The following SEPTIN2 variants were observed in gnomAD, a reference collection of about 807,000 sequenced individuals.
SEPTIN2 encodes septin 2.
SEPTIN2 carries 34 observed loss-of-function variants against 46.5 expected under a neutral mutation model. The ratio of observed to expected loss-of-function variants is 0.73; its 90% CI spans 0.56 to 0.97. The LOEUF is 0.97. Among genes scored for constraint, SEPTIN2 ranks in the 50% least tolerant of loss-of-function variants. SEPTIN2 has a pLI of 0.00. For synonymous variants in SEPTIN2, 175 were observed against 153.4 expected, an observed-to-expected ratio of 1.14 and a Z score of -1.04; for missense variants, 347 against 448.4, an observed-to-expected ratio of 0.77 and a Z score of 2.04.
chr2:241,317,533 GTATTTTTTT>G, intron 1 of SEPTIN2: 2 of 963,084 alleles, frequency 2.1e-6, no homozygotes, highest in South Asian at 9.6e-5. Flanking sequence ...GAAGTTGTGG[GTATTTTTTT>G]TTTTTTTTTT....
At chr2:241,334,933 G>C (rs768707461) in intron 3 of SEPTIN2, among the ~76,000 whole-genome samples, 193 bp from the exon 4 acceptor site, 2 of 152,160 alleles carry the variant, frequency 1.3e-5, no homozygotes, top group Non-Finnish European at 2.9e-5. Flanking sequence ...ATAGTACTCT[G>C]ACCTTGGGCA....
At chr2:241,349,383 A>C (rs11688675) in intron 11 of SEPTIN2, among the ~76,000 whole-genome samples, 1 of 148,618 alleles carries the variant, frequency 6.7e-6, no homozygotes, top group East Asian at 2.0e-4. Flanking sequence ...AAAAAAAAAA[A>C]ATATATATAT....
intron 10 of SEPTIN2, among the ~76,000 whole-genome samples, chr2:241,347,132 C>T (rs964717580): frequency 3.3e-5 from 5 of 152,052 alleles, no homozygotes; most frequent in African/African-American, 1.2e-4. Context: ...TGGTGCATGC[C>T]TGTGGTCCCA....
intron 3 of SEPTIN2, among the ~76,000 whole-genome samples, chr2:241,329,685 TA>T (rs1277605947): frequency 2.0e-5 from 3 of 152,378 alleles, no homozygotes; most frequent in Middle Eastern, 3.4e-3. Context: ...CTGGGTCATT[TA>T]TAACCTGATG....
intron 9 of SEPTIN2, among the ~76,000 whole-genome samples, 183 bp from the exon 10 acceptor site, chr2:241,345,983 C>G (rs1398801341): frequency 6.6e-6 from 1 of 152,212 alleles, no homozygotes; most frequent in Non-Finnish European, 1.5e-5. Flanking sequence ...AAAGGGAGAG[C>G]TACACCTCAC....
In SEPTIN2 at chr2:241,336,028, C is replaced by A; in HGVS notation, c.271C>A (p.Arg91=). Residue 91 remains arginine, a synonymous_variant, in exon 5 of 13, where the codon CGA becomes AGA. Transcript: ENST00000391971. ...GGCTTCAACTGTTGAAATTGAAGAG[C>A]GAGGGGTCAAGCTACGCCTGACAGT... ...IEASTVEIEE[R]GVKLRLTVVD... is the part of the protein sequence containing the mutation. The A allele has an allele frequency of 6.2e-7, 1 of 1,613,968 alleles. No homozygotes were observed. The highest frequency in any genetic ancestry group is 8.5e-7 in the Non-Finnish European group (1 of 1,179,910).
In SEPTIN2 at chr2:241,352,636, T is replaced by C. The variant is rs1440408514; in HGVS notation, c.*699T>C. 1 of 152,254 alleles carries C rather than the reference T, an allele frequency of 6.6e-6. No individual in the cohort carries two copies. The highest frequency in any genetic ancestry group is 1.5e-5 in the Non-Finnish European group (1 of 68,044). 9.4% of individuals were successfully genotyped at this position (152,254 alleles called of 1,614,324 possible). On this transcript the variant is annotated 3_prime_UTR_variant, in exon 13 of 13. Transcript: ENST00000391971. The stretch of plus-strand genomic sequence containing the variant: ...TCTTAATTCTGATGCTAGGTTGTTT[T>C]TAAAACCACTATGCAAAGAACTCAC...
At chr2:241,350,865 C>T (rs2060726543) in intron 12 of SEPTIN2, among the ~76,000 whole-genome samples, 1 of 152,146 alleles carries the variant, frequency 6.6e-6, no homozygotes, top group Non-Finnish European at 1.5e-5. Context: ...CAGGCAGGCT[C>T]TCTGAACTGT....
chr2:241,316,595 G>T lies in SEPTIN2; in HGVS notation c.-18+613G>T. The T allele has an allele frequency of 2.1e-6, 3 of 1,405,850 alleles. No homozygotes were observed. In the South Asian group the frequency reaches 4.3e-5, roughly 20 times the overall value. 87.1% of individuals were successfully genotyped at this position (1,405,850 alleles called of 1,614,324 possible). A position where few individuals can be genotyped will look rare whatever the true frequency, so the allele number is the denominator to read the frequency against. On this transcript the variant is annotated intron_variant, in intron 1 of 12. Coordinates refer to ENST00000391971, the MANE Select transcript of SEPTIN2 (RefSeq NM_004404.5). ...CAGGGGGTAGGGTATAGGGTTGGAG[G>T]CCGCCGAGTTGGCCCGGGGATGAGG...
intron 7 of SEPTIN2, among the ~76,000 whole-genome samples, chr2:241,342,533 A>C (rs1004293091): frequency 1.5e-4 from 19 of 128,192 alleles, no homozygotes; most frequent in Non-Finnish European, 3.1e-4. Context: ...CAGTTTTGTA[A>C]ATTTTTTTTT....
Position 241,326,019 on chromosome 2 carries a change from A to G in SEPTIN2, c.36A>G (p.Pro12=). The change falls in exon 3 of 13, where the codon CCA becomes CCG. Residue 12 remains proline (P), a synonymous_variant. Transcript: ENST00000391971. ...SKQQPTQFIN[P]ETPGYVGFAN... ...AACAGCCAACTCAGTTTATAAATCC[A>G]GAAACACCTGGCTATGTTGGATTTG... 1 of 1,613,440 alleles carries G rather than the reference A, an allele frequency of 6.2e-7. No individual in the cohort carries two copies. The highest frequency in any genetic ancestry group is 2.2e-5 in the East Asian group (1 of 44,842).
At chr2:241,350,506 A>G (rs2060689188) in intron 12 of SEPTIN2, among the ~76,000 whole-genome samples, 1 of 152,222 alleles carries the variant, frequency 6.6e-6, no homozygotes, top group Non-Finnish European at 1.5e-5. Context: ...ATTAGAAGGA[A>G]ATTATGTATT....
Position 241,335,969 on chromosome 2 carries a change from T to C in SEPTIN2, c.218-6T>C. On this transcript the variant is annotated splice_region_variant and splice_polypyrimidine_tract_variant and intron_variant, in intron 4 of 12. Transcript: ENST00000391971. ...ATATTCCCTATTAAGTTTGTTTCTTTTCTAGAAAAAATTGAAAGAACTGTC... is the reference window on the plus strand; with the variant it reads ...ATATTCCCTATTAAGTTTGTTTCTTCTCTAGAAAAAATTGAAAGAACTGTC... 1.2e-6 allele frequency: 2 copies of C among 1,614,166 alleles called. No individual in the cohort carries two copies. The highest frequency in any genetic ancestry group is 1.1e-5 in the South Asian group (1 of 91,088).
At chr2:241,335,279 A>G (rs2079756224) in intron 4 of SEPTIN2, 67 bp downstream of exon 4, 2 of 1,582,748 alleles carry the variant, frequency 1.3e-6, no homozygotes, top group African/African-American at 1.3e-5. Flanking sequence ...TGCCTAATTA[A>G]TATTTTATGT....
Position 241,324,257 on chromosome 2 carries a change from A to G in SEPTIN2, c.9+16A>G, listed in dbSNP as rs776099580. 17 of 1,605,144 alleles carry G rather than the reference A, an allele frequency of 1.1e-5. No homozygotes were observed. The highest frequency in any genetic ancestry group is 1.7e-4 in the Middle Eastern group (1 of 6,018). On this transcript the variant is annotated intron_variant, in intron 2 of 12. Coordinates refer to ENST00000391971, the MANE Select transcript of SEPTIN2 (RefSeq NM_004404.5). ...GATGTCTAAGGTAAGATCATACTTC[A>G]TGTATCTACAGCATAAGGAGAAATT...
chr2:241,339,223 G>A (rs991457172), intron 7 of SEPTIN2, among the ~76,000 whole-genome samples: 13 of 150,830 alleles, frequency 8.6e-5, no homozygotes, highest in East Asian at 7.8e-4. Context: ...GCAAAACTCC[G>A]TCTCTAAAAA....
rs1481792705 is a variant in SEPTIN2 at position 241,352,705 on chromosome 2, C to A, written c.*768C>A. On this transcript the variant is annotated 3_prime_UTR_variant, in exon 13 of 13. Transcript: ENST00000391971. ...GTGTTCTCCACTAATACTGGTTATC[C>A]TGTGCTACAGAGAAAATCAAAGCAG... 1 of 152,114 alleles carries A rather than the reference C, an allele frequency of 6.6e-6. No homozygotes were observed. Among genetic ancestry groups the A allele is most frequent in the African/African-American group, 2.4e-5 (1 of 41,422 alleles). The allele number at this position is 152,114 out of a possible 1,614,324, so 9.4% of individuals were successfully genotyped here.
intron 3 of SEPTIN2, among the ~76,000 whole-genome samples, chr2:241,330,907 C>T (rs1002516206): frequency 6.6e-6 from 1 of 152,210 alleles, no homozygotes; most frequent in Non-Finnish European, 1.5e-5. Flanking sequence ...CAGTGGCTAA[C>T]ACCTGTAATC....
intron 11 of SEPTIN2, among the ~76,000 whole-genome samples, chr2:241,348,724 T>G (rs1296995047): frequency 6.6e-6 from 1 of 152,166 alleles, no homozygotes; most frequent in African/African-American, 2.4e-5. Context: ...CTTCATATAT[T>G]TAGCTGAAAG....
Sources: allele counts gnomAD v4.1 joint callset (sites outside exome capture counted in the v4.1 genomes callset), GRCh38; gene constraint gnomAD v4.1.1; transcripts MANE v1.5; gene names NCBI Gene and HGNC (gene_info 2026-07-23, HGNC 2026-07-21).